ADAT2: variants seen among roughly 807,000 people sequenced by gnomAD.
ADAT2 encodes tRNA-specific adenosine-34 deaminase catalytic subunit ADAT2.
ADAT2 carries 26 observed loss-of-function variants against 25.9 expected under a neutral mutation model. The ratio of observed to expected loss-of-function variants is 1.00; its 90% CI spans 0.74 to 1.39. ADAT2 has a LOEUF of 1.39. ADAT2 is among the 40% of genes most tolerant of loss of function. The pLI is 0.00. For synonymous variants in ADAT2, 76 were observed against 86.8 expected, an observed-to-expected ratio of 0.88 and a Z score of 0.69; for missense variants, 220 against 244.8, an observed-to-expected ratio of 0.90 and a Z score of 0.68.
chr6:143,429,761 A>G (rs1779052677), intron 4 of ADAT2, among the ~76,000 whole-genome samples: 1 of 152,230 alleles, frequency 6.6e-6, no homozygotes, highest in Non-Finnish European at 1.5e-5. Flanking sequence ...AGGAGCCAGA[A>G]AGCATAGGCA....
chr6:143,449,664 G>C (rs1268781852), intron 1 of ADAT2: 1 of 152,170 alleles, frequency 6.6e-6, no homozygotes, highest in Non-Finnish European at 1.5e-5. Context: ...GATTATAATG[G>C]AGCTGAAAAG....
chr6:143,446,686 C>T lies in ADAT2; in HGVS notation c.96+3877G>A, dbSNP rs1050168406. ...TTGGCAAGCAGTGAGCTACCTAACA[C>T]CGAGAGGCAGGCCAGGCCAGTATTT... On this transcript the variant is annotated intron_variant, in intron 1 of 5. Transcript: ENST00000237283. The surrounding 1 kb of genome is among the most constrained non-coding windows in gnomAD (Gnocchi z 5.0). Among the ~76,000 whole-genome samples the T allele has an allele frequency of 6.6e-6, 1 of 152,030 alleles. No homozygotes were observed. The highest frequency in any genetic ancestry group is 1.5e-5 in the Non-Finnish European group (1 of 68,014).
intron 1 of ADAT2, among the ~76,000 whole-genome samples, chr6:143,449,115 C>T (rs1779680589): frequency 6.6e-6 from 1 of 152,106 alleles, no homozygotes; most frequent in Non-Finnish European, 1.5e-5. Context: ...GGCACAGACA[C>T]GGCTCACTGC....
At chr6:143,438,232 T>G (rs161055) in intron 2 of ADAT2, among the ~76,000 whole-genome samples, 2 of 152,202 alleles carry the variant, frequency 1.3e-5, no homozygotes, top group African/African-American at 4.8e-5. Flanking sequence ...ATATATTAGA[T>G]TGGCTTAAAG....
intron 1 of ADAT2, among the ~76,000 whole-genome samples, chr6:143,448,387 A>G (rs1211611988): frequency 1.3e-5 from 2 of 152,202 alleles, no homozygotes; most frequent in African/African-American, 4.8e-5. Context: ...TGTACCCTAG[A>G]ACTTAAAGTA....
chr6:143,433,787 C>T, intron 3 of ADAT2, 44 bp downstream of exon 3: 1 of 1,553,544 alleles, frequency 6.4e-7, no homozygotes, highest in Non-Finnish European at 8.8e-7. Flanking sequence ...CTCTCTTGTT[C>T]ACACGAATGG....
At position 143,423,178 on chromosome 6, in the gene ADAT2, C is replaced by G. The variant is rs897739915; in HGVS notation, c.*5285G>C. ...GGGCCAGACGCTAAATATTTTAGGC[C>G]TTTGTGAGTCGCATGGTTTGTCACC... On this transcript the variant is annotated 3_prime_UTR_variant, in exon 6 of 6. Coordinates refer to ENST00000237283, the MANE Select transcript of ADAT2 (RefSeq NM_182503.3). 2.0e-5 allele frequency: 3 copies of G among 152,204 alleles called. No individual in the cohort carries two copies. Among genetic ancestry groups the G allele is most frequent in the African/African-American group, 7.2e-5 (3 of 41,454 alleles). 9.4% of individuals were successfully genotyped at this position (152,204 alleles called of 1,614,324 possible).
rs1201238554 is a variant in ADAT2, at chr6:143,436,549, G to A, written c.201+2041C>T. 7.4e-6 allele frequency: 3 copies of A among 406,438 alleles called. No homozygotes were observed. Among genetic ancestry groups the A allele is most frequent in the South Asian group, 4.2e-5 (2 of 47,638 alleles). 25.2% of individuals were successfully genotyped at this position (406,438 alleles called of 1,614,324 possible). ...GTTCACAGCCATGTTCAGGTGCAAGGCCTTCCTGCACTGGTACATGGGCGA... is the reference window on the plus strand; with the variant it reads ...GTTCACAGCCATGTTCAGGTGCAAGACCTTCCTGCACTGGTACATGGGCGA... On this transcript the variant is annotated intron_variant, in intron 2 of 5. Coordinates refer to ENST00000237283, the MANE Select transcript of ADAT2 (RefSeq NM_182503.3). The surrounding 1 kb of genome is among the most constrained non-coding windows in gnomAD (Gnocchi z 4.1).
Position 143,450,606 on chromosome 6 carries a change from G to A in ADAT2, c.53C>T (p.Ser18Leu). The change falls in exon 1 of 6, where the codon TCG becomes TTG. Residue 18 changes from serine (S) to leucine (L), a missense_variant. Coordinates refer to ENST00000237283, the MANE Select transcript of ADAT2 (RefSeq NM_182503.3). Reference sequence around the variant, plus strand: ...CATCCACTTTTCGGTCTCCTCTGCCGACACCGAGCACGCGCCGCTTGCAGC... The same window carrying A: ...CATCCACTTTTCGGTCTCCTCTGCCAACACCGAGCACGCGCCGCTTGCAGC... The part of the protein sequence containing the change: ...KPAASGACSV[S>L]AEETEKWMEE... 6.2e-7 allele frequency: 1 copy of A among 1,614,048 alleles called. No individual in the cohort carries two copies. The highest frequency in any genetic ancestry group is 8.5e-7 in the Non-Finnish European group (1 of 1,180,030).
At chr6:143,448,250 A>G (rs547678768) in intron 1 of ADAT2, among the ~76,000 whole-genome samples, 1 of 150,010 alleles carries the variant, frequency 6.7e-6, no homozygotes, top group East Asian at 2.1e-4. Context: ...GGGGCCTGTC[A>G]TGGGGTTGGG....
rs1347982982 is a variant in ADAT2 at position 143,427,966 on chromosome 6, CACA to C, written c.*494_*496del. On this transcript the variant is annotated 3_prime_UTR_variant, in exon 6 of 6. Coordinates refer to ENST00000237283, the MANE Select transcript of ADAT2 (RefSeq NM_182503.3). ...ACCATATAATTATGGTCTCTATATA[CACA>C]ACTTATATACAATTTAGAGAGAAGT... The C allele has an allele frequency of 6.3e-6, 1 of 157,682 alleles. No homozygotes were observed. Among genetic ancestry groups the C allele is most frequent in the Non-Finnish European group, 1.4e-5 (1 of 71,096 alleles). The allele number at this position is 157,682 out of a possible 1,614,324, so 9.8% of individuals were successfully genotyped here. A position where few individuals can be genotyped will look rare whatever the true frequency, so the allele number is the denominator to read the frequency against.
chr6:143,449,106 G>A (rs1779680278), intron 1 of ADAT2, among the ~76,000 whole-genome samples: 2 of 151,814 alleles, frequency 1.3e-5, no homozygotes, highest in Non-Finnish European at 2.9e-5. Flanking sequence ...GAGTACAGTG[G>A]CACAGACACG....
In ADAT2 at chr6:143,444,067, C is replaced by T. The variant is rs909502849; in HGVS notation, c.97-5373G>A. 3.3e-5 allele frequency among the ~76,000 whole-genome samples: 5 copies of T among 152,060 alleles called. No homozygotes were observed. Among genetic ancestry groups the T allele is most frequent in the South Asian group, 2.1e-4 (1 of 4,818 alleles). On this transcript the variant is annotated intron_variant, in intron 1 of 5. Coordinates refer to ENST00000237283, the MANE Select transcript of ADAT2 (RefSeq NM_182503.3). The surrounding 1 kb of genome is among the most constrained non-coding windows in gnomAD (Gnocchi z 4.3). ...CTTGTTCACCTGGAGATAGCACCCA[C>T]GCCACCATGTTACTGGGTTTGTGCC...
rs573147807 is a variant in ADAT2 at position 143,427,442 on chromosome 6, C to G, written c.*1021G>C. 6.6e-6 allele frequency: 1 copy of G among 152,298 alleles called. No individual in the cohort carries two copies. The highest frequency in any genetic ancestry group is 1.5e-5 in the Non-Finnish European group (1 of 68,050). The allele number at this position is 152,298 out of a possible 1,614,324, so 9.4% of individuals were successfully genotyped here. On this transcript the variant is annotated 3_prime_UTR_variant, in exon 6 of 6. Transcript: ENST00000237283. ...AGTGCGCCCAGAGGGCTGTGCAAAG[C>G]TGCCCTGTAGTCATGGAGGTGAACT...
rs1779140895 is a variant in ADAT2 at position 143,432,381 on chromosome 6, A to G, written c.459+124T>C. ...TAAATGAACTCCACCAGAGGCCCTGAGATCAAAGATGTCTGATTCTATCAT... is the reference window on the plus strand; with the variant it reads ...TAAATGAACTCCACCAGAGGCCCTGGGATCAAAGATGTCTGATTCTATCAT... On this transcript the variant is annotated intron_variant, in intron 4 of 5. Transcript: ENST00000237283. The surrounding 1 kb of genome is among the most constrained non-coding windows in gnomAD (Gnocchi z 4.4). 1 of 867,596 alleles carries G rather than the reference A, an allele frequency of 1.2e-6. No homozygotes were observed. The highest frequency in any genetic ancestry group is 1.8e-6 in the Non-Finnish European group (1 of 549,220). The allele number at this position is 867,596 out of a possible 1,614,324, so 53.7% of individuals were successfully genotyped here.
chr6:143,423,997 A>G lies in ADAT2; in HGVS notation c.*4466T>C, dbSNP rs1218245427. 1.3e-5 allele frequency: 2 copies of G among 152,190 alleles called. No homozygotes were observed. Among genetic ancestry groups the G allele is most frequent in the Admixed American group, 6.5e-5 (1 of 15,282 alleles). The allele number at this position is 152,190 out of a possible 1,614,324, so 9.4% of individuals were successfully genotyped here. A position where few individuals can be genotyped will look rare whatever the true frequency, so the allele number is the denominator to read the frequency against. On this transcript the variant is annotated 3_prime_UTR_variant, in exon 6 of 6. Transcript: ENST00000237283. Reference sequence around the variant, plus strand: ...CATGAAGCCTCCTTAATAGTCATGGATATGTGGTGTTCAACCCAATATCCA... The same window carrying G: ...CATGAAGCCTCCTTAATAGTCATGGGTATGTGGTGTTCAACCCAATATCCA...
At chr6:143,430,888 A>G (rs1242340115) in intron 4 of ADAT2, among the ~76,000 whole-genome samples, 1 of 152,254 alleles carries the variant, frequency 6.6e-6, no homozygotes, top group African/African-American at 2.4e-5. Flanking sequence ...TTTAAAAAAC[A>G]GAGCAGGTGT....
rs957212352 is a variant in ADAT2 at position 143,448,407 on chromosome 6, A to T, written c.96+2156T>A. Among the ~76,000 whole-genome samples, 72 of 152,316 alleles carry T rather than the reference A, an allele frequency of 4.7e-4. 2 individuals carry two copies. The highest frequency in any genetic ancestry group is 1.4e-3 in the African/African-American group (57 of 41,564). Reference sequence around the variant, plus strand: ...CCTAGAACTTAAAGTATAATAATTTAAAAAAAGTAAATTAAACTTAAAACT... The same window carrying T: ...CCTAGAACTTAAAGTATAATAATTTTAAAAAAGTAAATTAAACTTAAAACT... On this transcript the variant is annotated intron_variant, in intron 1 of 5. Transcript: ENST00000237283.
At position 143,428,186 on chromosome 6, in the gene ADAT2, G is replaced by C; in HGVS notation, c.*277C>G. ...TGGACTGGGCACTTGTGGCTAGAAG[G>C]GTATGCACTACTTGCTAATTTCTAA... On this transcript the variant is annotated 3_prime_UTR_variant, in exon 6 of 6. Coordinates refer to ENST00000237283, the MANE Select transcript of ADAT2 (RefSeq NM_182503.3). The surrounding 1 kb of genome is among the most constrained non-coding windows in gnomAD (Gnocchi z 5.0). The C allele has an allele frequency of 2.1e-6, 1 of 476,452 alleles. No individual in the cohort carries two copies. The highest frequency in any genetic ancestry group is 2.5e-5 in the South Asian group (1 of 40,602). 29.5% of individuals were successfully genotyped at this position (476,452 alleles called of 1,614,324 possible). A position where few individuals can be genotyped will look rare whatever the true frequency, so the allele number is the denominator to read the frequency against.
Sources: allele counts gnomAD v4.1 joint callset (sites outside exome capture counted in the v4.1 genomes callset), GRCh38; gene constraint gnomAD v4.1.1; non-coding constraint Gnocchi (gnomAD v3.1); transcripts MANE v1.5; gene names NCBI Gene and HGNC (gene_info 2026-07-23, HGNC 2026-07-21).